The following VAT1L variants were observed in gnomAD, a reference collection of about 807,000 sequenced individuals.
VAT1L encodes the protein putative NADPH-dependent quinone oxidoreductase VAT1L.
VAT1L carries 34 observed loss-of-function variants against 44.1 expected under a neutral mutation model. The observed-to-expected ratio is 0.77, with a 90% CI of 0.59 to 1.03. The LOEUF (loss-of-function observed/expected upper bound fraction) is 1.03. Among genes scored for constraint, VAT1L ranks in the 50% least tolerant of loss-of-function variants. VAT1L has a pLI of 0.00. For synonymous variants in VAT1L, 253 were observed against 202.2 expected, an observed-to-expected ratio of 1.25 and a Z score of -2.13; for missense variants, 615 against 538.8, an observed-to-expected ratio of 1.14 and a Z score of -1.40.
chr16:77,912,913 T>G (rs1330051001), intron 7 of VAT1L, among the ~76,000 whole-genome samples: 2 of 152,094 alleles, frequency 1.3e-5, no homozygotes, highest in African/African-American at 4.8e-5. Flanking sequence ...GAAGTTATGG[T>G]TTTTCTTCTT....
intron 1 of VAT1L, chr16:77,800,851 C>G (rs1343077746): frequency 6.6e-6 from 1 of 152,072 alleles, no homozygotes; most frequent in Non-Finnish European, 1.5e-5. Flanking sequence ...TTTTTTGAGA[C>G]AGAGTCTCAC....
chr16:77,823,581 TAGTCTC>T (rs1266682853), intron 2 of VAT1L, among the ~76,000 whole-genome samples: 1 of 152,216 alleles, frequency 6.6e-6, no homozygotes, highest in African/African-American at 2.4e-5. Flanking sequence ...CAACCATTCT[TAGTCTC>T]AGTTTCTTCA....
intron 7 of VAT1L, among the ~76,000 whole-genome samples, chr16:77,907,040 C>A (rs185010367): frequency 6.6e-5 from 10 of 152,290 alleles, no homozygotes; most frequent in African/African-American, 1.9e-4. Context: ...AATTAGAGGT[C>A]TACACAGTGA....
intron 3 of VAT1L, among the ~76,000 whole-genome samples, chr16:77,846,827 A>G (rs898836016): frequency 6.6e-6 from 1 of 152,206 alleles, no homozygotes; most frequent in Non-Finnish European, 1.5e-5. Context: ...AAAGAAAAAG[A>G]TAATCAGGGT....
At chr16:77,842,114 C>G (rs2016713321) in intron 3 of VAT1L, among the ~76,000 whole-genome samples, 1 of 152,134 alleles carries the variant, frequency 6.6e-6, no homozygotes, top group Non-Finnish European at 1.5e-5. Flanking sequence ...GTCTCAATCT[C>G]CTGACCTGGT....
intron 8 of VAT1L, among the ~76,000 whole-genome samples, chr16:77,977,064 C>A (rs941149210): frequency 6.6e-6 from 1 of 152,200 alleles, no homozygotes; most frequent in African/African-American, 2.4e-5. Flanking sequence ...TCCAGGGGCA[C>A]CTCTTGTGGG....
At chr16:77,906,611 G>T (rs1213095093) in intron 7 of VAT1L, among the ~76,000 whole-genome samples, 1 of 152,192 alleles carries the variant, frequency 6.6e-6, no homozygotes, top group African/African-American at 2.4e-5. Flanking sequence ...GTGAGTGACT[G>T]GTGTTTGATC....
rs1055102532 is a variant in VAT1L at position 77,950,744 on chromosome 16, T to C, written c.1078-21106T>C. Among the ~76,000 whole-genome samples, 31 of 152,186 alleles carry C rather than the reference T, an allele frequency of 2.0e-4. 1 individual carries two copies. Among genetic ancestry groups the C allele is most frequent in the Non-Finnish European group, 2.9e-5 (2 of 68,042 alleles). On this transcript the variant is annotated intron_variant, in intron 7 of 8. Coordinates refer to ENST00000302536, the MANE Select transcript of VAT1L (RefSeq NM_020927.3). ...ATATAGTAACTGTTAAATTAGTGAA[T>C]GTTATACAGCTTTATTCCATTTCTT...
At chr16:77,865,123 A>G (rs59173346) in intron 4 of VAT1L, among the ~76,000 whole-genome samples, 10,160 of 151,578 alleles carry the variant, frequency 0.067, 535 homozygotes, top group African/African-American at 0.14. Flanking sequence ...ACAGGCACCC[A>G]CCACCACACC....
chr16:77,917,024 A>G (rs968847422), intron 7 of VAT1L, among the ~76,000 whole-genome samples: 1 of 152,206 alleles, frequency 6.6e-6, no homozygotes. Context: ...AAAGTTTATT[A>G]TTCATCCACC....
chr16:77,968,082 T>A (rs12444762), intron 7 of VAT1L, among the ~76,000 whole-genome samples: 3,067 of 152,258 alleles, frequency 0.02, 61 homozygotes, highest in East Asian at 0.097. Flanking sequence ...GAGATAAGAA[T>A]ATATTATCTA....
chr16:77,876,164 A>G (rs754814310), intron 4 of VAT1L, among the ~76,000 whole-genome samples: 1 of 152,146 alleles, frequency 6.6e-6, no homozygotes, highest in Non-Finnish European at 1.5e-5. Flanking sequence ...CCAGACTCTT[A>G]GCTGCCTCCA....
intron 7 of VAT1L, among the ~76,000 whole-genome samples, chr16:77,904,626 C>A (rs910430161): frequency 6.6e-6 from 1 of 152,176 alleles, no homozygotes; most frequent in Non-Finnish European, 1.5e-5. Context: ...ATACTCTAAC[C>A]ATTGCATTGG....
intron 8 of VAT1L, among the ~76,000 whole-genome samples, chr16:77,976,917 G>C (rs2018346811): frequency 1.3e-5 from 2 of 152,158 alleles, no homozygotes; most frequent in Admixed American, 1.3e-4. Flanking sequence ...CCAAAAAGCA[G>C]ATCAATACAC....
chr16:77,950,547 A>G (rs2018030398), intron 7 of VAT1L, among the ~76,000 whole-genome samples: 1 of 152,170 alleles, frequency 6.6e-6, no homozygotes, highest in Non-Finnish European at 1.5e-5. Context: ...ATTTGCATTA[A>G]TATATATTTT....
chr16:77,893,038 G>C (rs541799219), intron 7 of VAT1L: 11 of 552,328 alleles, frequency 2.0e-5, no homozygotes. Context: ...AGTTCCCTTT[G>C]GGTTCCATGT....
intron 1 of VAT1L, among the ~76,000 whole-genome samples, chr16:77,799,445 C>G (rs963553803): frequency 2.0e-5 from 3 of 151,992 alleles, no homozygotes; most frequent in African/African-American, 7.3e-5. Context: ...GCCTCATGCT[C>G]TCTTACCTTG....
chr16:77,881,367 T>C (rs972379795), intron 6 of VAT1L, among the ~76,000 whole-genome samples: 11 of 152,160 alleles, frequency 7.2e-5, no homozygotes, highest in Admixed American at 7.2e-4. Flanking sequence ...TCTTATATAC[T>C]AATGAGGGAG....
At chr16:77,868,177 G>A (rs2016995168) in intron 4 of VAT1L, among the ~76,000 whole-genome samples, 1 of 152,180 alleles carries the variant, frequency 6.6e-6, no homozygotes, top group South Asian at 2.1e-4. Flanking sequence ...AAAACCTCGA[G>A]TTGTATGCAG....
Sources: gnomAD v4.1 joint callset for allele counts (sites outside exome capture counted in the v4.1 genomes callset) on GRCh38, gnomAD v4.1.1 for gene constraint, MANE v1.5 for transcripts, NCBI Gene and HGNC (gene_info 2026-07-23, HGNC 2026-07-21) for gene names.